The following PREX2 variants were observed in gnomAD, a reference collection of about 807,000 sequenced individuals.
PREX2 encodes phosphatidylinositol 3,4,5-trisphosphate-dependent Rac exchanger 2 protein.
PREX2 carries 107 observed loss-of-function variants against 203.2 expected under a neutral mutation model. That is an observed-to-expected ratio of 0.53 (90% CI 0.45 to 0.62). The LOEUF (loss-of-function observed/expected upper bound fraction) is 0.62, where lower values mean the gene tolerates loss of function less well. Among genes scored for constraint, PREX2 ranks in the 20% least tolerant of loss-of-function variants. The pLI is 0.00. For missense variants in PREX2, 1,777 were observed against 1,955.9 expected (o/e 0.91, Z 1.72); for synonymous variants, 672 against 663.6 (o/e 1.01, Z -0.19).
chr8:68,174,971 C>T (rs1811950771), intron 35 of PREX2, among the ~76,000 whole-genome samples: 1 of 152,192 alleles, frequency 6.6e-6, no homozygotes, highest in Non-Finnish European at 1.5e-5. Flanking sequence ...GTGCACAGCA[C>T]TGAGGATACA....
intron 2 of PREX2, among the ~76,000 whole-genome samples, chr8:68,019,144 C>T (rs1351886540): frequency 1.3e-5 from 2 of 152,254 alleles, no homozygotes; most frequent in Non-Finnish European, 2.9e-5. Context: ...CTTCCTGTAG[C>T]TGCAGAGCTG....
At position 68,090,800 on chromosome 8, in the gene PREX2, T is replaced by C. The variant is rs573691511; in HGVS notation, c.2250+85T>C. 10 of 1,182,122 alleles carry C rather than the reference T, an allele frequency of 8.5e-6. No homozygotes were observed. In the East Asian group the frequency reaches 2.5e-4, roughly 29 times the overall value. The allele number at this position is 1,182,122 out of a possible 1,614,324, so 73.2% of individuals were successfully genotyped here. A position where few individuals can be genotyped will look rare whatever the true frequency, so the allele number is the denominator to read the frequency against. On this transcript the variant is annotated intron_variant, in intron 20 of 39. Coordinates refer to ENST00000288368, the MANE Select transcript of PREX2 (RefSeq NM_024870.4). ...TTGAGGTGGGATAGTGCCAGAGATA[T>C]TTGTGGTTTCCAATTTTAAGTTTAA... is the stretch of plus-strand genomic sequence containing the variant.
rs1216292455 is a variant in PREX2, at chr8:68,093,605, C to G, written c.2251C>G (p.Gln751Glu). 2 of 1,519,928 alleles carry G rather than the reference C, an allele frequency of 1.3e-6. No individual in the cohort carries two copies. Among genetic ancestry groups the G allele is most frequent in the African/African-American group, 2.8e-5 (2 of 72,714 alleles). 94.2% of individuals were successfully genotyped at this position (1,519,928 alleles called of 1,614,324 possible). A position where few individuals can be genotyped will look rare whatever the true frequency, so the allele number is the denominator to read the frequency against. Residue 751 changes from glutamine to glutamate, a missense_variant and splice_region_variant, in exon 21 of 40, where the codon CAA (glutamine) becomes GAA (glutamate). Gln to Glu is a conservative substitution (Grantham distance 29). Transcript: ENST00000288368. ...ACRKYRRPTKQDSIQWVYNSI... is the reference protein window; with the variant it reads ...ACRKYRRPTKEDSIQWVYNSI... ...GGTTTCTTTCCCCCCTCATTTCCAG[C>G]AAGATTCCATACAATGGGTTTATAA...
At chr8:68,056,541 A>G (rs1463114140) in intron 10 of PREX2, among the ~76,000 whole-genome samples, 3 of 152,164 alleles carry the variant, frequency 2.0e-5, no homozygotes, top group Admixed American at 6.5e-5. Flanking sequence ...CCTTTGGACA[A>G]CATTAAGTGG....
intron 9 of PREX2, among the ~76,000 whole-genome samples, chr8:68,055,564 A>G (rs1808652089): frequency 6.6e-6 from 1 of 152,138 alleles, no homozygotes; most frequent in Non-Finnish European, 1.5e-5. Context: ...GCTGAGACTC[A>G]GCTGCTCTTC....
At chr8:68,210,849 A>G (rs1812729607) in intron 37 of PREX2, among the ~76,000 whole-genome samples, 1 of 152,228 alleles carries the variant, frequency 6.6e-6, no homozygotes, top group Non-Finnish European at 1.5e-5. Context: ...ATGTTGAGTC[A>G]TCTTAAAGGG....
At chr8:68,111,951 A>G (rs953948747) in intron 25 of PREX2, among the ~76,000 whole-genome samples, 1 of 152,146 alleles carries the variant, frequency 6.6e-6, no homozygotes, top group Non-Finnish European at 1.5e-5. Context: ...CTGCCTGATA[A>G]CACCTCAGTG....
In PREX2 at chr8:68,234,823, G is replaced by A. The variant is rs993544397; in HGVS notation, c.*3445G>A. On this transcript the variant is annotated 3_prime_UTR_variant, in exon 40 of 40. Coordinates refer to ENST00000288368, the MANE Select transcript of PREX2 (RefSeq NM_024870.4). ...ATTTAAAATTAGGTAAACTTTTTATGATACTATAATATATATGACGTTGAA... is the reference window on the plus strand; with the variant it reads ...ATTTAAAATTAGGTAAACTTTTTATAATACTATAATATATATGACGTTGAA... 6.6e-6 allele frequency: 1 copy of A among 151,976 alleles called. No homozygotes were observed. The highest frequency in any genetic ancestry group is 2.4e-5 in the African/African-American group (1 of 41,378). The allele number at this position is 151,976 out of a possible 1,614,324, so 9.4% of individuals were successfully genotyped here.
chr8:67,963,920 C>T (rs563618407), intron 1 of PREX2, among the ~76,000 whole-genome samples: 20 of 152,200 alleles, frequency 1.3e-4, no homozygotes, highest in African/African-American at 3.9e-4. Flanking sequence ...TGGGGTTAGC[C>T]GCTCAGCCAC....
intron 14 of PREX2, 46 bp from the exon 15 acceptor site, chr8:68,077,351 G>A (rs1585764128): frequency 7.3e-7 from 1 of 1,366,982 alleles, no homozygotes; most frequent in Non-Finnish European, 1.0e-6. Context: ...CTGCCACAAA[G>A]CCTTTAGTTG....
At chr8:67,960,457 T>C (rs1253538939) in intron 1 of PREX2, among the ~76,000 whole-genome samples, 1 of 152,112 alleles carries the variant, frequency 6.6e-6, no homozygotes, top group Non-Finnish European at 1.5e-5. Flanking sequence ...GTCACCAGCC[T>C]GGTCTGTCAG....
intron 1 of PREX2, among the ~76,000 whole-genome samples, chr8:67,987,585 A>G (rs938629151): frequency 1.3e-5 from 2 of 152,048 alleles, no homozygotes; most frequent in Non-Finnish European, 2.9e-5. Flanking sequence ...TTGTTCCCCC[A>G]TGTCCCCATC....
intron 11 of PREX2, among the ~76,000 whole-genome samples, chr8:68,064,540 T>A (rs201516681): frequency 7.4e-5 from 1 of 13,522 alleles, no homozygotes; most frequent in African/African-American, 2.3e-4. Flanking sequence ...AGCTAATTTG[T>A]TTTTTTTTTT....
At chr8:67,972,901 A>G (rs1427533939) in intron 1 of PREX2, among the ~76,000 whole-genome samples, 4 of 152,040 alleles carry the variant, frequency 2.6e-5, no homozygotes, top group African/African-American at 9.7e-5. Flanking sequence ...TTTGCCTCAA[A>G]CTCAACATGT....
chr8:68,231,340 A>G lies in PREX2; in HGVS notation c.4783A>G (p.Lys1595Glu). ...RTPQSAPRLY[K>E]LCEPPPPAGE... Reference sequence around the variant, plus strand: ...TTACCATGCCTTTTCTAGGCTGTACAAGCTGTGCGAGCCACCTCCCCCAGC... The same window carrying G: ...TTACCATGCCTTTTCTAGGCTGTACGAGCTGTGCGAGCCACCTCCCCCAGC... Residue 1595 changes from lysine to glutamate, a missense_variant, in exon 40 of 40, where the codon AAG (lysine) becomes GAG (glutamate). By Grantham distance (56) the Lys-to-Glu change is moderately conservative (BLOSUM62 1). Coordinates refer to ENST00000288368, the MANE Select transcript of PREX2 (RefSeq NM_024870.4). 6.3e-7 allele frequency: 1 copy of G among 1,598,076 alleles called. No homozygotes were observed. Among genetic ancestry groups the G allele is most frequent in the South Asian group, 1.1e-5 (1 of 87,404 alleles).
intron 1 of PREX2, among the ~76,000 whole-genome samples, chr8:67,956,699 G>T (rs1414589001): frequency 6.6e-6 from 1 of 152,172 alleles, no homozygotes; most frequent in Non-Finnish European, 1.5e-5. Context: ...ACACTTCTGA[G>T]GGTGAAAGGG....
rs184404938 is a variant in PREX2, at chr8:68,005,573, G to A, written c.142-12273G>A. ...ACACAGTCTCTCCTTCCTTTGGGTC[G>A]TACATACCCCTCTTTCACTCCAATT... On this transcript the variant is annotated intron_variant, in intron 1 of 39. Transcript: ENST00000288368. Among the ~76,000 whole-genome samples, 136 of 152,106 alleles carry A rather than the reference G, an allele frequency of 8.9e-4. 2 individuals carry two copies. The Middle Eastern group carries it at 0.02, about 23-fold the overall frequency.
In PREX2 at chr8:68,103,413, A is replaced by T. The variant is rs1585794954; in HGVS notation, c.2715+3570A>T. ...TTAAAATGTGCTGCTATAGTCAATA[A>T]TTCACGAATTAGCTACCAATGCATT... On this transcript the variant is annotated intron_variant, in intron 23 of 39. Coordinates refer to ENST00000288368, the MANE Select transcript of PREX2 (RefSeq NM_024870.4). Among the ~76,000 whole-genome samples the T allele has an allele frequency of 3.9e-5, 6 of 152,370 alleles. 1 individual carries two copies. The highest frequency in any genetic ancestry group is 3.9e-4 in the Admixed American group (6 of 15,306).
intron 35 of PREX2, among the ~76,000 whole-genome samples, chr8:68,158,248 T>C (rs1811585045): frequency 6.6e-6 from 1 of 151,804 alleles, no homozygotes; most frequent in Non-Finnish European, 1.5e-5. Context: ...AATTAAGGCT[T>C]TTATTTTTAA....
Sources: allele counts gnomAD v4.1 joint callset (sites outside exome capture counted in the v4.1 genomes callset), GRCh38; gene constraint gnomAD v4.1.1; transcripts MANE v1.5; gene names NCBI Gene and HGNC (gene_info 2026-07-23, HGNC 2026-07-21).